The following PCDH9 variants were observed in gnomAD, a reference collection of about 807,000 sequenced individuals.
The protein encoded by PCDH9 is protocadherin-9.
In PCDH9, 24 loss-of-function variants were observed where a neutral mutation model predicts 70.6. That is an observed-to-expected ratio of 0.34 (90% CI 0.25 to 0.48). PCDH9 has a LOEUF of 0.48. Ranked by LOEUF, PCDH9 falls within the 20% of genes least tolerant of loss-of-function variation. The pLI, the probability that PCDH9 is intolerant of heterozygous loss-of-function variation, is 0.99. For synonymous variants in PCDH9, 562 were observed against 558.5 expected (o/e 1.01, Z -0.09); for missense variants, 1,281 against 1,503.6 (o/e 0.85, Z 2.45).
At chr13:66,596,631 A>C (rs962687116) in intron 4 of PCDH9, among the ~76,000 whole-genome samples, 1 of 151,708 alleles carries the variant, frequency 6.6e-6, no homozygotes, top group South Asian at 2.1e-4. Flanking sequence ...AGAACGTGAC[A>C]AGAAAGTTCT....
intron 2 of PCDH9, among the ~76,000 whole-genome samples, chr13:67,056,033 A>C (rs2085413716): frequency 6.6e-6 from 1 of 152,204 alleles, no homozygotes; most frequent in Non-Finnish European, 1.5e-5. Context: ...ATTTTAGAAG[A>C]CAACATGCAA....
intron 4 of PCDH9, among the ~76,000 whole-genome samples, chr13:66,434,870 G>C (rs1957839982): frequency 6.6e-6 from 1 of 152,014 alleles, no homozygotes. Context: ...AAGTGATGTA[G>C]AAACTAGTTC....
chr13:67,077,620 T>C (rs1025886021), intron 2 of PCDH9, among the ~76,000 whole-genome samples: 1 of 152,232 alleles, frequency 6.6e-6, no homozygotes, highest in African/African-American at 2.4e-5. Context: ...GTTGATTATA[T>C]GAATAAACGG....
At chr13:67,002,015 C>A (rs1446065507) in intron 2 of PCDH9, 1 of 152,108 alleles carries the variant, frequency 6.6e-6, no homozygotes, top group East Asian at 1.9e-4. Context: ...GAAATGTGCT[C>A]CTTGTTTTCA....
chr13:66,757,012 T>C (rs909707548), intron 3 of PCDH9, among the ~76,000 whole-genome samples: 1 of 152,038 alleles, frequency 6.6e-6, no homozygotes, highest in Admixed American at 6.6e-5. Context: ...AATTTTTGTA[T>C]TTTTAGTAGA....
At chr13:66,592,584 G>C (rs1472613587) in intron 4 of PCDH9, among the ~76,000 whole-genome samples, 3 of 151,728 alleles carry the variant, frequency 2.0e-5, no homozygotes, top group African/African-American at 7.2e-5. Context: ...ATCAAGTGTA[G>C]AAGAAACATT....
chr13:66,395,273 C>T (rs1365818787), intron 4 of PCDH9, among the ~76,000 whole-genome samples: 1 of 152,142 alleles, frequency 6.6e-6, no homozygotes, highest in Non-Finnish European at 1.5e-5. Flanking sequence ...CTTCTGCTCC[C>T]TTGAAGAGTG....
intron 2 of PCDH9, among the ~76,000 whole-genome samples, chr13:67,178,731 C>T (rs771525274): frequency 6.6e-6 from 1 of 152,042 alleles, no homozygotes; most frequent in South Asian, 2.1e-4. Flanking sequence ...GGATTTAGAA[C>T]TTTTAGATCT....
chr13:66,533,777 T>C (rs1030312407), intron 4 of PCDH9, among the ~76,000 whole-genome samples: 1 of 152,166 alleles, frequency 6.6e-6, no homozygotes, highest in Admixed American at 6.6e-5. Flanking sequence ...GAAGGGAAGT[T>C]ACGGACAATT....
At chr13:66,325,681 GC>G (rs1955830670) in intron 4 of PCDH9, among the ~76,000 whole-genome samples, 1 of 151,976 alleles carries the variant, frequency 6.6e-6, no homozygotes, top group African/African-American at 2.4e-5. Context: ...CTATAGGGTC[GC>G]TGTTGCTGGT....
intron 3 of PCDH9, among the ~76,000 whole-genome samples, chr13:66,871,714 A>G (rs1221266486): frequency 1.3e-5 from 2 of 152,158 alleles, no homozygotes; most frequent in Non-Finnish European, 2.9e-5. Flanking sequence ...CTTAATGTTT[A>G]CATTATATAT....
chr13:66,796,208 C>T (rs901225448), intron 3 of PCDH9, among the ~76,000 whole-genome samples: 2 of 152,110 alleles, frequency 1.3e-5, no homozygotes, highest in African/African-American at 4.8e-5. Flanking sequence ...ATTCCTGATC[C>T]ATTTGAATGT....
intron 3 of PCDH9, among the ~76,000 whole-genome samples, chr13:66,806,633 G>A (rs1566206519): frequency 1.3e-5 from 2 of 152,162 alleles, no homozygotes; most frequent in Non-Finnish European, 2.9e-5. Flanking sequence ...TTCTGGGTTT[G>A]TAGTTTGGAT....
In PCDH9 at chr13:67,113,311, A is replaced by G. The variant is rs979804863; in HGVS notation, c.3036+112094T>C. ...AAACCCACAAAAAATATTTCTAACTATGTATCTTCTGCATTTGTCCCTAGA... is the reference window on the plus strand; with the variant it reads ...AAACCCACAAAAAATATTTCTAACTGTGTATCTTCTGCATTTGTCCCTAGA... On this transcript the variant is annotated intron_variant, in intron 2 of 4. Coordinates refer to ENST00000377865, the MANE Select transcript of PCDH9 (RefSeq NM_203487.3). Among the ~76,000 whole-genome samples the G allele has an allele frequency of 3.3e-5, 5 of 152,164 alleles. No homozygotes were observed. The East Asian group carries it at 9.6e-4, about 29-fold the overall frequency.
chr13:66,315,012 G>GT (rs1566235185), intron 4 of PCDH9, among the ~76,000 whole-genome samples: 1 of 152,174 alleles, frequency 6.6e-6, no homozygotes, highest in Non-Finnish European at 1.5e-5. Context: ...CTGGTGGCAG[G>GT]TGGGAGTCCA....
intron 3 of PCDH9, among the ~76,000 whole-genome samples, chr13:66,732,845 G>A (rs1023710932): frequency 6.6e-6 from 1 of 151,880 alleles, no homozygotes. Context: ...GGATCTATGA[G>A]AGATATTTTA....
chr13:66,778,728 C>G (rs1275020409), intron 3 of PCDH9, among the ~76,000 whole-genome samples: 2 of 152,138 alleles, frequency 1.3e-5, no homozygotes, highest in Non-Finnish European at 2.9e-5. Flanking sequence ...AATGATAAAG[C>G]TGAGATAAGG....
chr13:66,364,855 T>C (rs1392253805), intron 4 of PCDH9, among the ~76,000 whole-genome samples: 1 of 152,162 alleles, frequency 6.6e-6, no homozygotes, highest in African/African-American at 2.4e-5. Context: ...GGAGAGAGCA[T>C]AATTGTACAA....
intron 4 of PCDH9, among the ~76,000 whole-genome samples, chr13:66,519,791 A>G (rs1465886753): frequency 1.3e-5 from 2 of 152,102 alleles, no homozygotes; most frequent in Non-Finnish European, 2.9e-5. Context: ...TTGCAGACCG[A>G]AGCAGCTCTC....
Sources: allele counts gnomAD v4.1 joint callset (sites outside exome capture counted in the v4.1 genomes callset), GRCh38; gene constraint gnomAD v4.1.1; transcripts MANE v1.5; gene names NCBI Gene and HGNC (gene_info 2026-07-23, HGNC 2026-07-21).